DNM3: variants seen among roughly 807,000 people sequenced by gnomAD.
DNM3 encodes the protein dynamin 3.
DNM3 carries 47 observed loss-of-function variants against 101.6 expected under a neutral mutation model. The ratio of observed to expected loss-of-function variants is 0.46; its 90% CI spans 0.37 to 0.59. The LOEUF is 0.59. Ranked by LOEUF, DNM3 falls within the 20% of genes least tolerant of loss-of-function variation. DNM3 has a pLI of 0.00. For missense variants in DNM3, 849 were observed against 1,085.7 expected (o/e 0.78, Z 3.06); for synonymous variants, 385 against 387.9 (o/e 0.99, Z 0.09).
chr1:171,882,840 G>A (rs965753471), intron 1 of DNM3, among the ~76,000 whole-genome samples: 1 of 151,730 alleles, frequency 6.6e-6, no homozygotes, highest in African/African-American at 2.4e-5. Flanking sequence ...TGAAAAACAT[G>A]GAAATATATA....
intron 4 of DNM3, among the ~76,000 whole-genome samples, chr1:172,004,771 G>A (rs1229865539): frequency 2.0e-5 from 3 of 151,960 alleles, no homozygotes; most frequent in African/African-American, 7.2e-5. Flanking sequence ...GCATAAAAAA[G>A]AGAACTCAGT....
intron 1 of DNM3, among the ~76,000 whole-genome samples, chr1:171,844,914 T>C (rs1194909374): frequency 6.6e-6 from 1 of 152,234 alleles, no homozygotes; most frequent in Non-Finnish European, 1.5e-5. Context: ...ATAATAATGG[T>C]TAACATTTAT....
At chr1:172,002,012 A>G (rs1303154745) in intron 4 of DNM3, among the ~76,000 whole-genome samples, 1 of 152,100 alleles carries the variant, frequency 6.6e-6, no homozygotes, top group African/African-American at 2.4e-5. Context: ...CACTCAGAAT[A>G]TAAAGAATAT....
At chr1:172,149,835 C>G (rs2058061674) in intron 14 of DNM3, among the ~76,000 whole-genome samples, 1 of 150,754 alleles carries the variant, frequency 6.6e-6, no homozygotes, top group African/African-American at 2.4e-5. Context: ...TTTTTTTTTG[C>G]AGGGGTGGAG....
Position 172,408,882 on chromosome 1 carries a change from T to A in DNM3, c.*1041T>A. Reference sequence around the variant, plus strand: ...AATAAATCTTGAGGCTATGGGATAATCACATTTAAAGAATGGTTCCTGAAA... The same window carrying A: ...AATAAATCTTGAGGCTATGGGATAAACACATTTAAAGAATGGTTCCTGAAA... On this transcript the variant is annotated 3_prime_UTR_variant, in exon 21 of 21. Coordinates refer to ENST00000627582, the MANE Select transcript of DNM3 (RefSeq NM_015569.5). 1 of 985,310 alleles carries A rather than the reference T, an allele frequency of 1.0e-6. No individual in the cohort carries two copies. The highest frequency in any genetic ancestry group is 1.7e-5 in the African/African-American group (1 of 57,328). The allele number at this position is 985,310 out of a possible 1,614,324, so 61.0% of individuals were successfully genotyped here.
intron 17 of DNM3, among the ~76,000 whole-genome samples, chr1:172,333,928 C>T (rs150192560): frequency 3.9e-5 from 6 of 152,202 alleles, no homozygotes; most frequent in East Asian, 1.9e-4. Flanking sequence ...TCTTCTTTGA[C>T]GTAATTAGCC....
chr1:172,039,021 T>C (rs781320768), intron 7 of DNM3, among the ~76,000 whole-genome samples: 6 of 152,126 alleles, frequency 3.9e-5, no homozygotes, highest in Non-Finnish European at 7.3e-5. Context: ...TTTCACCCCT[T>C]CATGATCTTC....
At chr1:172,017,438 AT>A (rs1228310474) in intron 4 of DNM3, among the ~76,000 whole-genome samples, 2 of 151,838 alleles carry the variant, frequency 1.3e-5, no homozygotes, top group African/African-American at 4.8e-5. Context: ...TTCTCATAAG[AT>A]TTTTTTTACC....
rs1558111014 is a variant in DNM3, at chr1:172,412,106, G to A, written c.*4265G>A. On this transcript the variant is annotated 3_prime_UTR_variant, in exon 21 of 21. Coordinates refer to ENST00000627582, the MANE Select transcript of DNM3 (RefSeq NM_015569.5). ...GTGTATGTGTGAGAGCAAGAGAGAGGAAACTCAAAGAGGAGTGTTTGTCTT... is the reference window on the plus strand; with the variant it reads ...GTGTATGTGTGAGAGCAAGAGAGAGAAAACTCAAAGAGGAGTGTTTGTCTT... 1.0e-6 allele frequency: 1 copy of A among 985,598 alleles called. No homozygotes were observed. Among genetic ancestry groups the A allele is most frequent in the South Asian group, 4.7e-5 (1 of 21,280 alleles). The allele number at this position is 985,598 out of a possible 1,614,324, so 61.1% of individuals were successfully genotyped here. A position where few individuals can be genotyped will look rare whatever the true frequency, so the allele number is the denominator to read the frequency against.
At chr1:172,017,526 C>A (rs1031715135) in intron 4 of DNM3, among the ~76,000 whole-genome samples, 1 of 152,050 alleles carries the variant, frequency 6.6e-6, no homozygotes, top group African/African-American at 2.4e-5. Flanking sequence ...TTATTGATTT[C>A]TATTTTAATT....
At chr1:172,314,199 G>A (rs964781208) in intron 16 of DNM3, among the ~76,000 whole-genome samples, 2 of 152,134 alleles carry the variant, frequency 1.3e-5, no homozygotes, top group Non-Finnish European at 2.9e-5. Flanking sequence ...AAAGACTTAG[G>A]ACCCAAATGC....
chr1:172,367,426 C>T (rs1215493713), intron 17 of DNM3, among the ~76,000 whole-genome samples: 2 of 151,736 alleles, frequency 1.3e-5, no homozygotes, highest in East Asian at 3.9e-4. Flanking sequence ...GTGAAACTCA[C>T]TTATAGAGCA....
chr1:172,027,609 CACACACACAG>C (rs1323360985), intron 4 of DNM3, among the ~76,000 whole-genome samples: 1 of 140,946 alleles, frequency 7.1e-6, no homozygotes, highest in East Asian at 2.1e-4. Context: ...CACACACACA[CACACACACAG>C]AGAGAGAGAA....
intron 14 of DNM3, among the ~76,000 whole-genome samples, chr1:172,233,848 C>G (rs375656263): frequency 6.6e-6 from 1 of 151,956 alleles, no homozygotes; most frequent in Non-Finnish European, 1.5e-5. Flanking sequence ...CAGCCCTTCA[C>G]GCTAAAAACT....
intron 17 of DNM3, among the ~76,000 whole-genome samples, chr1:172,357,624 T>C (rs183298420): frequency 2.0e-5 from 3 of 152,226 alleles, no homozygotes; most frequent in Non-Finnish European, 2.9e-5. Context: ...ATGTAATACA[T>C]GATTGAGGAT....
At chr1:172,068,445 G>A (rs916694131) in intron 10 of DNM3, among the ~76,000 whole-genome samples, 3 of 152,174 alleles carry the variant, frequency 2.0e-5, no homozygotes, top group African/African-American at 7.2e-5. Context: ...CCTGACACGT[G>A]GTAGACACTA....
At chr1:172,076,248 A>G (rs1399457011) in intron 11 of DNM3, among the ~76,000 whole-genome samples, 1 of 152,240 alleles carries the variant, frequency 6.6e-6, no homozygotes, top group Non-Finnish European at 1.5e-5. Context: ...ATATACAATC[A>G]TGTCATCTGC....
chr1:172,038,053 A>T (rs1389450222), intron 6 of DNM3, among the ~76,000 whole-genome samples: 1 of 152,172 alleles, frequency 6.6e-6, no homozygotes, highest in Non-Finnish European at 1.5e-5. Flanking sequence ...GCTGCATTTT[A>T]ACAGGGTCTT....
intron 14 of DNM3, among the ~76,000 whole-genome samples, chr1:172,194,563 A>G (rs918260894): frequency 6.6e-6 from 1 of 152,104 alleles, no homozygotes; most frequent in Non-Finnish European, 1.5e-5. Flanking sequence ...GTGCATATAT[A>G]TTTAGGATAG....
Sources: allele counts gnomAD v4.1 joint callset (sites outside exome capture counted in the v4.1 genomes callset), GRCh38; gene constraint gnomAD v4.1.1; transcripts MANE v1.5; gene names NCBI Gene and HGNC (gene_info 2026-07-23, HGNC 2026-07-21).